PDE11A: variants seen among roughly 807,000 people sequenced by gnomAD.
PDE11A encodes the protein phosphodiesterase 11A.
In PDE11A, 100 loss-of-function variants were observed where a neutral mutation model predicts 100.5. That is an observed-to-expected ratio of 1.00 (90% CI 0.85 to 1.18). The LOEUF (loss-of-function observed/expected upper bound fraction) is 1.18. Among genes scored for constraint, PDE11A ranks in the 50% most tolerant of loss-of-function variants. The pLI is 0.00. For missense variants in PDE11A, 1,141 were observed against 1,152.6 expected, an observed-to-expected ratio of 0.99 and a Z score of 0.15; for synonymous variants, 381 against 420.8, an observed-to-expected ratio of 0.91 and a Z score of 1.16.
intron 5 of PDE11A, among the ~76,000 whole-genome samples, chr2:177,870,088 C>G (rs1454264617): frequency 6.6e-6 from 1 of 152,166 alleles, no homozygotes; most frequent in African/African-American, 2.4e-5. Context: ...GGCAATTTCT[C>G]CTGCCTTCAG....
At chr2:177,830,311 T>C (rs886992214) in intron 6 of PDE11A, among the ~76,000 whole-genome samples, 1 of 152,088 alleles carries the variant, frequency 6.6e-6, no homozygotes, top group African/African-American at 2.4e-5. Flanking sequence ...ATAATCAGTG[T>C]TGTTTTGGCT....
At chr2:177,634,404 T>TGG (rs2080004384) in intron 19 of PDE11A, among the ~76,000 whole-genome samples, 1 of 150,942 alleles carries the variant, frequency 6.6e-6, no homozygotes, top group Non-Finnish European at 1.5e-5. Flanking sequence ...TTTTTTTTTT[T>TGG]GTGAGAAGGA....
chr2:177,898,240 TG>T, intron 3 of PDE11A, 42 bp from the exon 4 acceptor site: 9 of 1,428,638 alleles, frequency 6.3e-6, no homozygotes, highest in Non-Finnish European at 7.8e-6. Context: ...GATGTAAAAC[TG>T]AAAAAAAGTT....
At chr2:177,879,569 C>T (rs1167021901) in intron 4 of PDE11A, among the ~76,000 whole-genome samples, 1 of 152,140 alleles carries the variant, frequency 6.6e-6, no homozygotes, top group Non-Finnish European at 1.5e-5. Context: ...TGCCCTGGCT[C>T]CTCAAAACTA....
intron 9 of PDE11A, among the ~76,000 whole-genome samples, chr2:177,770,915 C>T (rs1457118231): frequency 4.6e-5 from 7 of 152,198 alleles, no homozygotes; most frequent in Non-Finnish European, 1.0e-4. Flanking sequence ...AAGCCTTGAC[C>T]TCCTGAGCTC....
At chr2:178,006,132 T>C (rs1349495634) in intron 2 of PDE11A, among the ~76,000 whole-genome samples, 2 of 152,224 alleles carry the variant, frequency 1.3e-5, no homozygotes, top group African/African-American at 4.8e-5. Context: ...TGTTACTGAT[T>C]TCCTTAAATT....
At chr2:177,871,383 A>G (rs2084127972) in intron 5 of PDE11A, among the ~76,000 whole-genome samples, 1 of 152,046 alleles carries the variant, frequency 6.6e-6, no homozygotes, top group African/African-American at 2.4e-5. Flanking sequence ...GAGCTGTGGC[A>G]CAGCACTGGT....
At chr2:178,007,259 A>G (rs2105822113) in intron 2 of PDE11A, among the ~76,000 whole-genome samples, 1 of 152,316 alleles carries the variant, frequency 6.6e-6, no homozygotes, top group South Asian at 2.1e-4. Context: ...TCTCTGAACT[A>G]TATTGGCCTT....
chr2:178,017,826 G>A (rs149990096), intron 1 of PDE11A, among the ~76,000 whole-genome samples: 138 of 152,246 alleles, frequency 9.1e-4, no homozygotes, highest in African/African-American at 3.1e-3. Flanking sequence ...CGGGCGTGGT[G>A]CCAGGTGCCT....
intron 5 of PDE11A, among the ~76,000 whole-genome samples, chr2:177,853,116 A>G (rs541552658): frequency 9.7e-6 from 1 of 103,474 alleles, no homozygotes; most frequent in African/African-American, 3.8e-5. Context: ...CTTCTGTCAC[A>G]GCTGAATAAA....
chr2:177,772,034 T>TAAA (rs1558930698), intron 9 of PDE11A, among the ~76,000 whole-genome samples: 5 of 142,992 alleles, frequency 3.5e-5, no homozygotes, highest in African/African-American at 1.4e-4. Context: ...TAAATAAAAA[T>TAAA]AATGCTACTT....
At chr2:177,853,678 ATATGTGTG>A (rs1162254150) in intron 5 of PDE11A, among the ~76,000 whole-genome samples, 2 of 33,852 alleles carry the variant, frequency 5.9e-5, no homozygotes, top group Admixed American at 4.9e-4. Flanking sequence ...ATATATATAT[ATATGTGTG>A]TGTGTGTGTG....
At chr2:177,947,565 G>T (rs1391836750) in intron 2 of PDE11A, among the ~76,000 whole-genome samples, 1 of 151,828 alleles carries the variant, frequency 6.6e-6, no homozygotes, top group South Asian at 2.1e-4. Context: ...ATGCTTGAAG[G>T]CAGCATGCTC....
At chr2:177,762,171 C>A (rs998201073) in intron 10 of PDE11A, among the ~76,000 whole-genome samples, 2 of 152,056 alleles carry the variant, frequency 1.3e-5, no homozygotes, top group South Asian at 2.1e-4. Context: ...GTGATGAGGA[C>A]CCCATGATGA....
At chr2:177,930,304 G>A (rs2085188699) in intron 2 of PDE11A, among the ~76,000 whole-genome samples, 1 of 152,150 alleles carries the variant, frequency 6.6e-6, no homozygotes, top group Non-Finnish European at 1.5e-5. Context: ...AAAATGAAAA[G>A]GCCTGTAGCC....
chr2:177,862,242 A>G (rs540053593), intron 5 of PDE11A, among the ~76,000 whole-genome samples: 2 of 151,952 alleles, frequency 1.3e-5, no homozygotes, highest in African/African-American at 4.8e-5. Flanking sequence ...TGAAAATGAT[A>G]AAGGACCTGA....
At chr2:177,682,843 C>A (rs1024433639) in intron 15 of PDE11A, among the ~76,000 whole-genome samples, 4 of 152,180 alleles carry the variant, frequency 2.6e-5, no homozygotes, top group African/African-American at 4.8e-5. Flanking sequence ...GCCTGTTTAA[C>A]CTTATTTCAT....
chr2:177,824,491 C>A (rs1229419904), intron 6 of PDE11A, among the ~76,000 whole-genome samples: 2 of 152,310 alleles, frequency 1.3e-5, no homozygotes, highest in South Asian at 4.1e-4. Context: ...GGCTTTACTG[C>A]ATCCATAATG....
At chr2:178,076,413 A>G (rs2087208610), upstream of PDE11A, among the ~76,000 whole-genome samples, 1 of 152,212 alleles carries the variant, frequency 6.6e-6, no homozygotes, top group African/African-American at 2.4e-5. Context: ...ATTACATTTT[A>G]GTACTGGATG....
Sources: allele counts gnomAD v4.1 joint callset (sites outside exome capture counted in the v4.1 genomes callset), GRCh38; gene constraint gnomAD v4.1.1; transcripts MANE v1.5; gene names NCBI Gene and HGNC (gene_info 2026-07-23, HGNC 2026-07-21).